Variants in KCNQ1 observed in about 807,000 individuals in gnomAD.
KCNQ1 encodes the protein potassium voltage-gated channel subfamily KQT member 1.
In KCNQ1, 49 loss-of-function variants were observed where a neutral mutation model predicts 72.4. The ratio of observed to expected loss-of-function variants is 0.68; its 90% CI spans 0.54 to 0.86. The LOEUF is 0.86. Ranked by LOEUF, KCNQ1 falls within the 40% of genes least tolerant of loss-of-function variation. KCNQ1 has a pLI of 0.00. For synonymous variants in KCNQ1, 450 were observed against 412.6 expected (o/e 1.09, Z -1.10); for missense variants, 790 against 945.1 (o/e 0.84, Z 2.15).
intron 11 of KCNQ1, chr11:2,685,074 G>A (rs2133885095): frequency 5.0e-6 from 2 of 398,658 alleles, no homozygotes; most frequent in Admixed American, 8.8e-5. Context: ...CAGCCTGTGA[G>A]AATTACAGAT....
intron 11 of KCNQ1, among the ~76,000 whole-genome samples, chr11:2,728,889 A>C (rs1460958416): frequency 2.0e-5 from 3 of 152,238 alleles, no homozygotes; most frequent in Non-Finnish European, 4.4e-5. Context: ...ACTTCTGTGC[A>C]GTCAGGGGTT....
chr11:2,447,080 C>G lies in KCNQ1; in HGVS notation c.386+1596C>G, dbSNP rs1208985079. Among the ~76,000 whole-genome samples, 1 of 152,218 alleles carries G rather than the reference C, an allele frequency of 6.6e-6. No homozygotes were observed. Reference sequence around the variant, plus strand: ...GACCCCCTCAATTCTCACTTGTATTCAGGTTTGTGGACACATGCCTCCGGG... The same window carrying G: ...GACCCCCTCAATTCTCACTTGTATTGAGGTTTGTGGACACATGCCTCCGGG... On this transcript the variant is annotated intron_variant, in intron 1 of 15. Transcript: ENST00000155840. The surrounding 1 kb of genome is among the most constrained non-coding windows in gnomAD (Gnocchi z 7.6).
intron 15 of KCNQ1, among the ~76,000 whole-genome samples, chr11:2,797,548 T>A (rs996619488): frequency 3.3e-5 from 5 of 151,954 alleles, no homozygotes; most frequent in Non-Finnish European, 7.4e-5. Context: ...TGCCCCTGCG[T>A]ACCCACCACC....
At position 2,690,592 on chromosome 11, in the gene KCNQ1, G is replaced by C. The variant is rs1301049412; in HGVS notation, c.1514+28511G>C. The C allele has an allele frequency of 1.0e-5, 4 of 398,588 alleles. No individual in the cohort carries two copies. The highest frequency in any genetic ancestry group is 1.8e-5 in the Non-Finnish European group (4 of 226,118). The allele number at this position is 398,588 out of a possible 1,614,324, so 24.7% of individuals were successfully genotyped here. ...ATGGGACAGAACCCACCTCCTGGCAGGGAGTGGGGCACACATATGTGCATG... is the reference window on the plus strand; with the variant it reads ...ATGGGACAGAACCCACCTCCTGGCACGGAGTGGGGCACACATATGTGCATG... On this transcript the variant is annotated intron_variant, in intron 11 of 15. Transcript: ENST00000155840. The surrounding 1 kb of genome is among the most constrained non-coding windows in gnomAD (Gnocchi z 5.1).
Position 2,536,769 on chromosome 11 carries a change from C to T in KCNQ1, c.477+8751C>T, listed in dbSNP as rs1376720028. ...CGACCTGGGCTGCGTGATGGGGGAC[C>T]CCAGGCTGGGCGGCTTAAACCGTGG... On this transcript the variant is annotated intron_variant, in intron 2 of 15. Transcript: ENST00000155840. This position sits in a 1 kb window ranked among gnomAD's most constrained non-coding sequence, Gnocchi z 7.4. Among the ~76,000 whole-genome samples the T allele has an allele frequency of 1.3e-5, 2 of 152,108 alleles. No individual in the cohort carries two copies. The highest frequency in any genetic ancestry group is 4.8e-5 in the African/African-American group (2 of 41,372).
At chr11:2,733,853 C>CGCTCTT (rs1362747998) in intron 11 of KCNQ1, among the ~76,000 whole-genome samples, 5,455 of 50,660 alleles carry the variant, frequency 0.11, 410 homozygotes, top group Middle Eastern at 0.21. Flanking sequence ...CTCTCTCTCT[C>CGCTCTT]TCTCCCCCCC....
rs925990406 is a variant in KCNQ1, at chr11:2,647,518, A to T, written c.1394-14443A>T. 7.5e-6 allele frequency: 3 copies of T among 398,398 alleles called. No homozygotes were observed. The highest frequency in any genetic ancestry group is 6.2e-5 in the African/African-American group (3 of 48,602). 24.7% of individuals were successfully genotyped at this position (398,398 alleles called of 1,614,324 possible). The stretch of plus-strand genomic sequence containing the variant: ...ATCAAGATACTGCTTGCCTCACAGA[A>T]TGAGTTAGGGAGAATTCCTTTCTCT... On this transcript the variant is annotated intron_variant, in intron 10 of 15. Transcript: ENST00000155840. The surrounding 1 kb of genome is among the most constrained non-coding windows in gnomAD (Gnocchi z 4.0).
chr11:2,686,497 A>G, intron 11 of KCNQ1: 1 of 398,658 alleles, frequency 2.5e-6, no homozygotes, highest in Non-Finnish European at 4.4e-6. Context: ...ACCCTCACCC[A>G]GTGTTGAGTC....
chr11:2,830,018 AGGAGGAGGAAGGAGGAG>A lies in KCNQ1; in HGVS notation c.1795-17723_1795-17707del, dbSNP rs562416450. ...GAAGAGGGAGGAGGAAGGAGGAGGA[AGGAGGAGGAAGGAGGAG>A]GGAGGAGGAAGGAGGAGGGAGGAGG... On this transcript the variant is annotated intron_variant, in intron 15 of 15. Transcript: ENST00000155840. The surrounding 1 kb of genome is among the most constrained non-coding windows in gnomAD (Gnocchi z 7.7). 0.18 allele frequency among the ~76,000 whole-genome samples: 19,722 copies of A among 110,592 alleles called. 1,625 individuals are homozygous for A. The highest frequency in any genetic ancestry group is 0.25 in the South Asian group (804 of 3,276). The allele number at this position is 110,592 out of a possible 152,430, so 72.6% of individuals were successfully genotyped here.
intron 10 of KCNQ1, chr11:2,629,599 A>G (rs1247549934): frequency 2.5e-6 from 1 of 398,426 alleles, no homozygotes; most frequent in African/African-American, 2.1e-5. Context: ...TCCATTTGCC[A>G]TTGAATGGAC....
rs1167583207 is a variant in KCNQ1 at position 2,536,598 on chromosome 11, CG to C, written c.477+8583del. ...CTTCTTGGGACCTCCCTCTCTCAGG[CG>C]GGTCTGGAACCCAACAGAGCTGGTT... On this transcript the variant is annotated intron_variant, in intron 2 of 15. Coordinates refer to ENST00000155840, the MANE Select transcript of KCNQ1 (RefSeq NM_000218.3). This position sits in a 1 kb window ranked among gnomAD's most constrained non-coding sequence, Gnocchi z 7.4. Among the ~76,000 whole-genome samples, 1 of 152,198 alleles carries C rather than the reference CG, an allele frequency of 6.6e-6. No homozygotes were observed. The highest frequency in any genetic ancestry group is 6.5e-5 in the Admixed American group (1 of 15,282).
rs1290245647 is a variant in KCNQ1, at chr11:2,473,514, C to A, written c.386+28030C>A. Among the ~76,000 whole-genome samples the A allele has an allele frequency of 6.6e-6, 1 of 152,178 alleles. No individual in the cohort carries two copies. Among genetic ancestry groups the A allele is most frequent in the Non-Finnish European group, 1.5e-5 (1 of 68,024 alleles). On this transcript the variant is annotated intron_variant, in intron 1 of 15. Coordinates refer to ENST00000155840, the MANE Select transcript of KCNQ1 (RefSeq NM_000218.3). This position sits in a 1 kb window ranked among gnomAD's most constrained non-coding sequence, Gnocchi z 6.0. ...AAATCCAAGGGGCAAGGCCGTTTCC[C>A]GTCCTGGTCCGTCGTTGAGTCCCCT...
At chr11:2,640,539 G>GC (rs1284321226) in intron 10 of KCNQ1, 6 of 391,890 alleles carry the variant, frequency 1.5e-5, no homozygotes, top group Admixed American at 1.4e-4. Flanking sequence ...TTCTGCCTTG[G>GC]CCCCCCAAAG....
chr11:2,529,682 G>A (rs1589932212), intron 2 of KCNQ1, among the ~76,000 whole-genome samples: 1 of 152,188 alleles, frequency 6.6e-6, no homozygotes, highest in Non-Finnish European at 1.5e-5. Context: ...TCTCGTGACT[G>A]TGGTCGTAGA....
intron 10 of KCNQ1, chr11:2,629,266 G>T (rs961376245): frequency 5.0e-6 from 2 of 398,124 alleles, no homozygotes; most frequent in Admixed American, 4.4e-5. Context: ...CTTAGAATTT[G>T]TTCAATGTTT....
chr11:2,523,831 G>T (rs1291497307), intron 1 of KCNQ1, among the ~76,000 whole-genome samples: 2 of 146,970 alleles, frequency 1.4e-5, no homozygotes, highest in African/African-American at 5.1e-5. Flanking sequence ...CCTGGGTCCT[G>T]CCCATGGCCC....
rs538163130 is a variant in KCNQ1, at chr11:2,627,544, G to A, written c.1394-34417G>A. ...TAGAATTCCATATGTAACTGGGATA[G>A]TGCAGTATTTGTCTTTCTGTGTCTG... On this transcript the variant is annotated intron_variant, in intron 10 of 15. Coordinates refer to ENST00000155840, the MANE Select transcript of KCNQ1 (RefSeq NM_000218.3). This position sits in a 1 kb window ranked among gnomAD's most constrained non-coding sequence, Gnocchi z 4.9. The A allele has an allele frequency of 1.8e-5, 7 of 398,396 alleles. No individual in the cohort carries two copies. In the Admixed American group the frequency reaches 2.6e-4, roughly 15 times the overall value. The allele number at this position is 398,396 out of a possible 1,614,324, so 24.7% of individuals were successfully genotyped here. A position where few individuals can be genotyped will look rare whatever the true frequency, so the allele number is the denominator to read the frequency against.
intron 10 of KCNQ1, among the ~76,000 whole-genome samples, chr11:2,594,956 T>C (rs1848715189): frequency 6.6e-6 from 1 of 152,182 alleles, no homozygotes; most frequent in South Asian, 2.1e-4. Context: ...GTGTGGTGGA[T>C]GTTTTTGTTT....
In KCNQ1 at chr11:2,483,615, G is replaced by A. The variant is rs907588409; in HGVS notation, c.386+38131G>A. On this transcript the variant is annotated intron_variant, in intron 1 of 15. Coordinates refer to ENST00000155840, the MANE Select transcript of KCNQ1 (RefSeq NM_000218.3). The surrounding 1 kb of genome is among the most constrained non-coding windows in gnomAD (Gnocchi z 6.1). ...TTGATGTTTTAGATAAGTACTGGGC[G>A]GCTGTTTTGTAGAACGTCCCTCGGT... 1.3e-5 allele frequency among the ~76,000 whole-genome samples: 2 copies of A among 152,150 alleles called. No homozygotes were observed. Among genetic ancestry groups the A allele is most frequent in the African/African-American group, 2.4e-5 (1 of 41,428 alleles).
Sources: gnomAD v4.1 joint callset for allele counts (sites outside exome capture counted in the v4.1 genomes callset) on GRCh38, gnomAD v4.1.1 for gene constraint, Gnocchi (gnomAD v3.1) non-coding constraint, MANE v1.5 for transcripts, NCBI Gene and HGNC (gene_info 2026-07-23, HGNC 2026-07-21) for gene names.